Variants in CBL observed in about 807,000 individuals in gnomAD.
CBL encodes Cbl proto-oncogene.
CBL carries 45 observed loss-of-function variants against 96.9 expected under a neutral mutation model. That is an observed-to-expected ratio of 0.46 (90% CI 0.37 to 0.60). CBL has a LOEUF of 0.60. Ranked by LOEUF, CBL falls within the 20% of genes least tolerant of loss-of-function variation. The probability of loss-of-function intolerance (pLI) is 0.00; values close to 1 mark genes in which losing one functional copy is unlikely to be tolerated. For missense variants in CBL, 1,024 were observed against 1,143.5 expected, an observed-to-expected ratio of 0.90 and a Z score of 1.51; for synonymous variants, 420 against 426.8, an observed-to-expected ratio of 0.98 and a Z score of 0.20.
intron 9 of CBL, among the ~76,000 whole-genome samples, chr11:119,284,710 T>A (rs1205837861): frequency 2.0e-5 from 3 of 152,224 alleles, no homozygotes; most frequent in Non-Finnish European, 4.4e-5. Flanking sequence ...CTGTCCTTTC[T>A]AGATAGATTA....
In CBL at chr11:119,274,098, T is replaced by A. The variant is rs1010563421; in HGVS notation, c.747+74T>A. 605 of 1,000,844 alleles carry A rather than the reference T, an allele frequency of 6.0e-4. 1 individual carries two copies. The highest frequency in any genetic ancestry group is 1.3e-3 in the Admixed American group (62 of 48,280). 62.0% of individuals were successfully genotyped at this position (1,000,844 alleles called of 1,614,324 possible). ...AGAGAAAGCTTTTTTTTTTTTTTTT[T>A]AAATAACATTTGGGGTTTTTGTCTG... On this transcript the variant is annotated intron_variant, in intron 4 of 15. Coordinates refer to ENST00000264033, the MANE Select transcript of CBL (RefSeq NM_005188.4).
chr11:119,262,252 G>A (rs1350365765), intron 2 of CBL, among the ~76,000 whole-genome samples: 1 of 152,158 alleles, frequency 6.6e-6, no homozygotes, highest in Non-Finnish European at 1.5e-5. Flanking sequence ...GAAAAACAAG[G>A]AAAGACTAAG....
chr11:119,262,114 T>C (rs924907019), intron 2 of CBL, among the ~76,000 whole-genome samples: 1 of 152,210 alleles, frequency 6.6e-6, no homozygotes, highest in African/African-American at 2.4e-5. Context: ...ACTTGATGTG[T>C]TGAGAAGGGC....
At chr11:119,290,380 C>T (rs557687464) in intron 12 of CBL, among the ~76,000 whole-genome samples, 14 of 150,692 alleles carry the variant, frequency 9.3e-5, no homozygotes, top group South Asian at 6.4e-4. Context: ...CTTGGCTGGG[C>T]GCAGTGGCTC....
intron 9 of CBL, among the ~76,000 whole-genome samples, chr11:119,284,003 G>A (rs1242929726): frequency 6.6e-6 from 1 of 151,872 alleles, no homozygotes; most frequent in Non-Finnish European, 1.5e-5. Context: ...TGATATTCTT[G>A]ATCATTTTTC....
At chr11:119,263,756 G>T (rs1007787222) in intron 2 of CBL, among the ~76,000 whole-genome samples, 1 of 152,134 alleles carries the variant, frequency 6.6e-6, no homozygotes, top group African/African-American at 2.4e-5. Context: ...CAGTTCCGTT[G>T]TATCTATTTT....
intron 11 of CBL, among the ~76,000 whole-genome samples, chr11:119,286,968 G>A (rs938156214): frequency 6.6e-6 from 1 of 152,218 alleles, no homozygotes; most frequent in Admixed American, 6.5e-5. Context: ...TGGGAGGTAT[G>A]TGAAGTTATA....
intron 2 of CBL, among the ~76,000 whole-genome samples, chr11:119,264,516 C>G (rs896993118): frequency 2.0e-5 from 3 of 150,118 alleles, no homozygotes; most frequent in African/African-American, 7.4e-5. Flanking sequence ...GGGTCTGTCT[C>G]TGTTTGCCCA....
rs1950117950 is a variant in CBL, at chr11:119,303,917, T to C, written c.*4136T>C. On this transcript the variant is annotated 3_prime_UTR_variant, in exon 16 of 16. Coordinates refer to ENST00000264033, the MANE Select transcript of CBL (RefSeq NM_005188.4). ...CACCCTTATGGGACCTGTCACCATG[T>C]CCTGTACTATTTGGAATTGGTTTTC... The C allele has an allele frequency of 4.3e-6, 1 of 233,614 alleles. No individual in the cohort carries two copies. Among genetic ancestry groups the C allele is most frequent in the East Asian group, 6.0e-5 (1 of 16,600 alleles). 14.5% of individuals were successfully genotyped at this position (233,614 alleles called of 1,614,324 possible). A position where few individuals can be genotyped will look rare whatever the true frequency, so the allele number is the denominator to read the frequency against.
chr11:119,280,298 A>G (rs921127058), intron 9 of CBL, among the ~76,000 whole-genome samples: 31 of 152,350 alleles, frequency 2.0e-4, no homozygotes, highest in Middle Eastern at 3.4e-3. Flanking sequence ...TGGGAATATC[A>G]CAGTGATAAT....
At chr11:119,236,200 C>T (rs902492071) in intron 2 of CBL, among the ~76,000 whole-genome samples, 9 of 152,164 alleles carry the variant, frequency 5.9e-5, no homozygotes, top group Admixed American at 5.9e-4. Flanking sequence ...AAACCCCACT[C>T]CCATTAGCAG....
intron 2 of CBL, among the ~76,000 whole-genome samples, chr11:119,270,875 C>T (rs1010831088): frequency 3.9e-5 from 6 of 152,202 alleles, no homozygotes; most frequent in African/African-American, 1.2e-4. Flanking sequence ...GCACCACTCT[C>T]GGCCTGTGTG....
chr11:119,270,029 G>A (rs1269062101), intron 2 of CBL, among the ~76,000 whole-genome samples: 1 of 152,076 alleles, frequency 6.6e-6, no homozygotes, highest in African/African-American at 2.4e-5. Flanking sequence ...ACATTTATAT[G>A]ACAAGAATAA....
At chr11:119,260,940 T>G (rs1268912662) in intron 2 of CBL, among the ~76,000 whole-genome samples, 1 of 47,660 alleles carries the variant, frequency 2.1e-5, no homozygotes, top group Non-Finnish European at 4.3e-5. Context: ...AAATCTCTAC[T>G]TTTTTTTTTT....
intron 2 of CBL, among the ~76,000 whole-genome samples, chr11:119,270,477 C>T (rs1437569030): frequency 3.7e-5 from 4 of 107,198 alleles, no homozygotes; most frequent in African/African-American, 1.1e-4. Context: ...GACGGAGTCT[C>T]GCTCTGTCGC....
chr11:119,244,642 C>T (rs1170888841), intron 2 of CBL, among the ~76,000 whole-genome samples: 3 of 147,688 alleles, frequency 2.0e-5, no homozygotes, highest in African/African-American at 7.6e-5. Context: ...AGTGCAGTGG[C>T]GTGATCTCGG....
intron 9 of CBL, among the ~76,000 whole-genome samples, chr11:119,281,107 G>T (rs1237073174): frequency 6.6e-6 from 1 of 152,082 alleles, no homozygotes; most frequent in Non-Finnish European, 1.5e-5. Flanking sequence ...GTACTGCTTT[G>T]TAGGAAATAG....
intron 2 of CBL, among the ~76,000 whole-genome samples, chr11:119,262,437 A>T (rs1026748098): frequency 6.6e-6 from 1 of 152,220 alleles, no homozygotes; most frequent in Non-Finnish European, 1.5e-5. Flanking sequence ...AGTTTTGAAG[A>T]ATGTCCCACA....
chr11:119,233,211 A>G (rs1278360106), intron 2 of CBL, among the ~76,000 whole-genome samples: 3 of 152,194 alleles, frequency 2.0e-5, no homozygotes, highest in Non-Finnish European at 2.9e-5. Context: ...AGTTAATTCA[A>G]TAAATATTTG....
Sources: gnomAD v4.1 joint callset for allele counts (sites outside exome capture counted in the v4.1 genomes callset) on GRCh38, gnomAD v4.1.1 for gene constraint, MANE v1.5 for transcripts, NCBI Gene and HGNC (gene_info 2026-07-23, HGNC 2026-07-21) for gene names.